The following FAM169A variants were observed in gnomAD, a reference collection of about 807,000 sequenced individuals.
FAM169A encodes family with sequence similarity 169 member A, also known as soluble lamin-associated protein of 75 kDa.
FAM169A carries 24 observed loss-of-function variants against 75.7 expected under a neutral mutation model. The observed-to-expected ratio is 0.32, with a 90% CI of 0.23 to 0.45. The LOEUF (loss-of-function observed/expected upper bound fraction) is 0.45. Among genes scored for constraint, FAM169A ranks in the 20% least tolerant of loss-of-function variants. FAM169A has a pLI of 1.00. For synonymous variants in FAM169A, 271 were observed against 271.0 expected (o/e 1.00, Z 0.00); for missense variants, 673 against 784.0 (o/e 0.86, Z 1.69).
chr5:74,840,226 T>C (rs1748786495), intron 2 of FAM169A, 53 bp from the exon 3 acceptor site: 1 of 755,444 alleles, frequency 1.3e-6, no homozygotes, highest in Non-Finnish European at 2.1e-6. Flanking sequence ...GAAAATACAT[T>C]AAAAAAATCA....
rs1165508798 is a variant in FAM169A, at chr5:74,866,292, A to T, written c.-131T>A. The T allele has an allele frequency of 1.1e-5, 11 of 983,362 alleles. No homozygotes were observed. In the East Asian group the frequency reaches 1.1e-3, roughly 103 times the overall value. 60.9% of individuals were successfully genotyped at this position (983,362 alleles called of 1,614,324 possible). On this transcript the variant is annotated 5_prime_UTR_variant, in exon 1 of 13. Coordinates refer to ENST00000687041, the MANE Select transcript of FAM169A (RefSeq NM_001376049.1). ...CCAGGCCGCACAGCTCGCGGCTGCC[A>T]GGGCGAGTGCGGCTGCCTCCCGCTC...
intron 11 of FAM169A, among the ~76,000 whole-genome samples, chr5:74,787,862 C>T (rs1424381208): frequency 6.6e-6 from 1 of 150,886 alleles, no homozygotes; most frequent in Non-Finnish European, 1.5e-5. Flanking sequence ...GTCGAGTGGA[C>T]AAAAGACTAA....
chr5:74,844,008 A>G (rs1749018590), intron 1 of FAM169A, among the ~76,000 whole-genome samples: 1 of 152,246 alleles, frequency 6.6e-6, no homozygotes, highest in Non-Finnish European at 1.5e-5. Flanking sequence ...TTAAGTATGC[A>G]GTCAACCAAG....
intron 1 of FAM169A, among the ~76,000 whole-genome samples, chr5:74,846,886 T>C (rs933543231): frequency 2.0e-5 from 3 of 151,946 alleles, no homozygotes; most frequent in East Asian, 3.9e-4. Flanking sequence ...TAGATAAGAG[T>C]GGTATACAGG....
At chr5:74,853,379 C>T (rs934706285) in intron 1 of FAM169A, among the ~76,000 whole-genome samples, 1 of 152,152 alleles carries the variant, frequency 6.6e-6, no homozygotes, top group African/African-American at 2.4e-5. Flanking sequence ...TCCTATGAAT[C>T]AGGTATTCCT....
chr5:74,814,353 T>A (rs1239154360), intron 5 of FAM169A, among the ~76,000 whole-genome samples: 1 of 152,126 alleles, frequency 6.6e-6, no homozygotes, highest in Non-Finnish European at 1.5e-5. Flanking sequence ...CTAAAACTCA[T>A]CAACTATTAA....
Position 74,780,050 on chromosome 5 carries a change from T to G in FAM169A, c.*1410A>C, listed in dbSNP as rs1488540251. On this transcript the variant is annotated 3_prime_UTR_variant, in exon 13 of 13. Transcript: ENST00000687041. ...ATATTTCCAAAGAGTAGAACTGTTT[T>G]TAGATTATCTTTGGATTCTAATAAC... 1 of 152,248 alleles carries G rather than the reference T, an allele frequency of 6.6e-6. No individual in the cohort carries two copies. The highest frequency in any genetic ancestry group is 1.5e-5 in the Non-Finnish European group (1 of 68,048). The allele number at this position is 152,248 out of a possible 1,614,324, so 9.4% of individuals were successfully genotyped here.
At chr5:74,818,947 C>T (rs57371810) in intron 5 of FAM169A, among the ~76,000 whole-genome samples, 4,676 of 152,200 alleles carry the variant, frequency 0.031, 256 homozygotes, top group African/African-American at 0.11. Flanking sequence ...TGGCTAGGCG[C>T]GGAGGCTCAC....
intron 10 of FAM169A, chr5:74,799,393 A>G: frequency 6.2e-7 from 1 of 1,613,212 alleles, no homozygotes; most frequent in Non-Finnish European, 8.5e-7. Flanking sequence ...CTGGTGGGTG[A>G]GCAAGCACAT....
In FAM169A at chr5:74,866,171, C is replaced by G. The variant is rs1221633738; in HGVS notation, c.-10G>C. 4.1e-6 allele frequency: 4 copies of G among 983,964 alleles called. No homozygotes were observed. The highest frequency in any genetic ancestry group is 4.8e-6 in the Non-Finnish European group (4 of 829,326). 61.0% of individuals were successfully genotyped at this position (983,964 alleles called of 1,614,324 possible). A position where few individuals can be genotyped will look rare whatever the true frequency, so the allele number is the denominator to read the frequency against. ...GGAGAGGGAGCGCACTCACCTCAGA[C>G]GCGCCCCGGGAGCCGCTGGAAGAGC... On this transcript the variant is annotated 5_prime_UTR_variant, in exon 1 of 13. Coordinates refer to ENST00000687041, the MANE Select transcript of FAM169A (RefSeq NM_001376049.1).
chr5:74,823,834 C>T lies in FAM169A; in HGVS notation c.491-9815G>A, dbSNP rs571057660. On this transcript the variant is annotated intron_variant, in intron 5 of 12. Coordinates refer to ENST00000687041, the MANE Select transcript of FAM169A (RefSeq NM_001376049.1). ...CTCAAGTCCTTAAAATATAATCACA[C>T]TCTCCCAACAAAAAATTCAGCTGGG... is the stretch of plus-strand genomic sequence containing the variant. Among the ~76,000 whole-genome samples, 127 of 152,274 alleles carry T rather than the reference C, an allele frequency of 8.3e-4. 1 individual carries two copies. Among genetic ancestry groups the T allele is most frequent in the African/African-American group, 2.9e-3 (122 of 41,554 alleles).
In FAM169A at chr5:74,804,593, T is replaced by C. The variant is rs759797736; in HGVS notation, c.812A>G (p.Asn271Ser). ...TCCAGACATAGGTCTTTTAGGTTCATTTTGAGAAAGTGCTGCGTATAGAAG... is the reference window on the plus strand; with the variant it reads ...TCCAGACATAGGTCTTTTAGGTTCACTTTGAGAAAGTGCTGCGTATAGAAG... ...EALKILALSQNEPKRPMSGEY... is the reference protein window; with the variant it reads ...EALKILALSQSEPKRPMSGEY... The change falls in exon 8 of 13, where the codon AAT becomes AGT. Residue 271 changes from asparagine (N) to serine (S), a missense_variant. By Grantham distance (46) the Asn-to-Ser change is conservative. Around this residue, in one of 3 missense-constraint regions of FAM169A, gnomAD observed 510 missense variants for 550.9 expected, o/e 0.93. Coordinates refer to ENST00000687041, the MANE Select transcript of FAM169A (RefSeq NM_001376049.1). The C allele has an allele frequency of 3.1e-6, 5 of 1,601,726 alleles. No homozygotes were observed. The highest frequency in any genetic ancestry group is 1.1e-5 in the South Asian group (1 of 89,882).
At chr5:74,820,332 T>C (rs1322257437) in intron 5 of FAM169A, among the ~76,000 whole-genome samples, 1 of 152,150 alleles carries the variant, frequency 6.6e-6, no homozygotes, top group Non-Finnish European at 1.5e-5. Flanking sequence ...TTGTATGGTA[T>C]ATGAATATCT....
Position 74,805,175 on chromosome 5 carries a change from T to G in FAM169A, c.780A>C (p.Arg260Ser). 1 of 1,613,920 alleles carries G rather than the reference T, an allele frequency of 6.2e-7. No homozygotes were observed. Residue 260 changes from arginine (R) to serine (S), a missense_variant, in exon 7 of 13, where the codon AGA becomes AGC. Arg to Ser is a moderately radical substitution (Grantham distance 110). Around this residue, in one of 3 missense-constraint regions of FAM169A, gnomAD observed 510 missense variants for 550.9 expected, o/e 0.93. Transcript: ENST00000687041. Reference sequence around the variant, plus strand: ...TCTTACCTAGAATTTTAAGTGCTTCTCTTTGTAATGCTCTGGTGACTGGTA... The same window carrying G: ...TCTTACCTAGAATTTTAAGTGCTTCGCTTTGTAATGCTCTGGTGACTGGTA... ...QRIPVTRALQREALKILALSQ... is the reference protein window; with the variant it reads ...QRIPVTRALQSEALKILALSQ...
In FAM169A at chr5:74,783,101, T is replaced by C; in HGVS notation, c.1294A>G (p.Met432Val). 1.2e-6 allele frequency: 2 copies of C among 1,613,610 alleles called. No homozygotes were observed. The highest frequency in any genetic ancestry group is 8.5e-7 in the Non-Finnish European group (1 of 1,179,588). Residue 432 changes from methionine to valine, a missense_variant, in exon 12 of 13, where the codon ATG becomes GTG. This residue lies in a region of FAM169A where 510 missense variants were observed against 550.9 expected (regional missense o/e 0.93). Transcript: ENST00000687041. ...SELEPMNGEI[M>V]DDSLKTSLIT... ...AGTGAGGTCTTAAGAGAATCGTCCA[T>C]TATCTCACCATTCATAGGCTCTAAT...
intron 6 of FAM169A, among the ~76,000 whole-genome samples, chr5:74,805,522 C>T (rs373361463): frequency 1.2e-3 from 149 of 119,442 alleles, no homozygotes; most frequent in Non-Finnish European, 2.2e-3. Context: ...AAATGTGCTT[C>T]GCTTTTTTTT....
At chr5:74,803,284 T>C (rs1050964860) in intron 8 of FAM169A, among the ~76,000 whole-genome samples, 58 of 152,268 alleles carry the variant, frequency 3.8e-4, no homozygotes, top group Admixed American at 3.5e-3. Flanking sequence ...TGGCCAATAC[T>C]AAATGAATCT....
intron 8 of FAM169A, 59 bp from the exon 9 acceptor site, chr5:74,801,688 T>C: frequency 1.6e-6 from 2 of 1,239,098 alleles, no homozygotes; most frequent in Non-Finnish European, 2.3e-6. Context: ...CCTATGGATC[T>C]ATTTCACTTA....
At position 74,779,764 on chromosome 5, in the gene FAM169A, A is replaced by G. The variant is rs1179957950; in HGVS notation, c.*1696T>C. On this transcript the variant is annotated 3_prime_UTR_variant, in exon 13 of 13. Transcript: ENST00000687041. ...GTAATACAATTGTTCAAAATCTAAC[A>G]CAAATAGGAGCGTTTACTATTTTTG... 3.3e-5 allele frequency: 5 copies of G among 152,324 alleles called. No individual in the cohort carries two copies. Among genetic ancestry groups the G allele is most frequent in the African/African-American group, 1.2e-4 (5 of 41,584 alleles). 9.4% of individuals were successfully genotyped at this position (152,324 alleles called of 1,614,324 possible).
Sources: allele counts gnomAD v4.1 joint callset (sites outside exome capture counted in the v4.1 genomes callset), GRCh38; gene constraint gnomAD v4.1.1; regional missense constraint gnomAD v4.1.1; transcripts MANE v1.5; gene names NCBI Gene and HGNC (gene_info 2026-07-23, HGNC 2026-07-21).